Variants in MAPK15 observed in about 807,000 individuals in gnomAD.
MAPK15 encodes the protein mitogen-activated protein kinase 15, also known as ERK-7.
A neutral mutation model predicts 60.8 loss-of-function variants in MAPK15; 61 were observed. The observed-to-expected ratio is 1.00, with a 90% CI of 0.82 to 1.24. The LOEUF (loss-of-function observed/expected upper bound fraction) is 1.24. MAPK15 is among the 50% of genes most tolerant of loss of function. The probability of loss-of-function intolerance (pLI) is 0.00; values close to 1 mark genes in which losing one functional copy is unlikely to be tolerated. For synonymous variants in MAPK15, 356 were observed against 319.9 expected (o/e 1.11, Z -1.21); for missense variants, 808 against 741.1 (o/e 1.09, Z -1.05).
At position 143,720,310 on chromosome 8, in the gene MAPK15, G is replaced by C. The variant is rs1817996724; in HGVS notation, c.779+23G>C. 1.3e-6 allele frequency: 2 copies of C among 1,562,126 alleles called. No homozygotes were observed. Among genetic ancestry groups the C allele is most frequent in the African/African-American group, 1.4e-5 (1 of 74,024 alleles). Reference sequence around the variant, plus strand: ...CCGGTGAGTGGGGGCACTTCGGTGAGGGTGACAGGGTGGCCTATCTCAAGG... The same window carrying C: ...CCGGTGAGTGGGGGCACTTCGGTGACGGTGACAGGGTGGCCTATCTCAAGG... On this transcript the variant is annotated intron_variant, in intron 8 of 13. Coordinates refer to ENST00000338033, the MANE Select transcript of MAPK15 (RefSeq NM_139021.3). The surrounding 1 kb of genome is among the most constrained non-coding windows in gnomAD (Gnocchi z 4.6).
rs782155652 is a variant in MAPK15, at chr8:143,717,736, G to A, written c.109G>A (p.Glu37Lys). 5 of 1,612,244 alleles carry A rather than the reference G, an allele frequency of 3.1e-6. No homozygotes were observed. Among genetic ancestry groups the A allele is most frequent in the Non-Finnish European group, 4.2e-6 (5 of 1,179,440 alleles). ...VWKAVDRRTG[E>K]VVAIKKIFDA... ...GAAGGCAGTGGACCGGAGGACTGGT[G>A]AGGTCGTGGCCATCAAGAAAATCTT... Residue 37 changes from glutamate (E) to lysine (K), a missense_variant, in exon 2 of 14, where the codon GAG becomes AAG. By Grantham distance (56) the Glu-to-Lys change is moderately conservative. Transcript: ENST00000338033.
intron 4 of MAPK15, chr8:143,718,527 C>T: frequency 1.6e-6 from 1 of 626,094 alleles, no homozygotes; most frequent in South Asian, 2.0e-5. Context: ...CTGCTCTGAC[C>T]ACAGTTTGCA....
chr8:143,720,879 G>A lies in MAPK15; in HGVS notation c.917+39G>A, dbSNP rs781942065. On this transcript the variant is annotated intron_variant, in intron 9 of 13. Coordinates refer to ENST00000338033, the MANE Select transcript of MAPK15 (RefSeq NM_139021.3). This position sits in a 1 kb window ranked among gnomAD's most constrained non-coding sequence, Gnocchi z 4.6. ...AGAGTCCCCCAAGTGCGGGGGGACA[G>A]AGGTGGGGGCAGGAGAGAGCCAGCC... The A allele has an allele frequency of 3.7e-6, 6 of 1,602,326 alleles. No individual in the cohort carries two copies. Among genetic ancestry groups the A allele is most frequent in the Non-Finnish European group, 5.1e-6 (6 of 1,175,622 alleles).
chr8:143,718,183 C>T (rs1817886100), intron 3 of MAPK15, 29 bp from the exon 4 acceptor site: 1 of 1,613,372 alleles, frequency 6.2e-7, no homozygotes, highest in Non-Finnish European at 8.5e-7. Context: ...CCCTCCTGGC[C>T]TTCCAGCCGC....
chr8:143,719,295 C>A, intron 6 of MAPK15, 48 bp from the exon 7 acceptor site: 1 of 1,557,754 alleles, frequency 6.4e-7, no homozygotes, highest in Non-Finnish European at 8.7e-7. Flanking sequence ...ACCCCACCCC[C>A]ACCTCTGCCT....
intron 4 of MAPK15, 49 bp from the exon 5 acceptor site, chr8:143,718,726 T>TTTCCC: frequency 2.4e-6 from 1 of 417,838 alleles, no homozygotes; most frequent in South Asian, 2.3e-5. Context: ...CCCCCCAGGT[T>TTTCCC]GCCCCCCCAG....
chr8:143,722,416 C>T lies in MAPK15; in HGVS notation c.*165C>T. 4 of 562,952 alleles carry T rather than the reference C, an allele frequency of 7.1e-6. No homozygotes were observed. The South Asian group carries it at 1.0e-4, about 14-fold the overall frequency. The allele number at this position is 562,952 out of a possible 1,614,324, so 34.9% of individuals were successfully genotyped here. ...GGGGGAGCAGATGAGGGCCCTGCCC[C>T]CGCCCCACTGACTTCCTCCAATAAA... is the stretch of plus-strand genomic sequence containing the variant. On this transcript the variant is annotated 3_prime_UTR_variant, in exon 14 of 14. Coordinates refer to ENST00000338033, the MANE Select transcript of MAPK15 (RefSeq NM_139021.3).
Position 143,718,281 on chromosome 8 carries a change from T to C in MAPK15, c.265T>C (p.Tyr89His). 1 of 1,614,078 alleles carries C rather than the reference T, an allele frequency of 6.2e-7. No homozygotes were observed. Among genetic ancestry groups the C allele is most frequent in the Non-Finnish European group, 8.5e-7 (1 of 1,180,020 alleles). Residue 89 changes from tyrosine (Y) to histidine (H), a missense_variant, in exon 4 of 14, where the codon TAC becomes CAC. Tyr to His is a moderately conservative substitution (Grantham distance 83, BLOSUM62 2). Transcript: ENST00000338033. ...CCGGGCAGAGAACGACAGGGACATT[T>C]ACCTGGTGTTTGAGTTTATGGGTGA... ...VIRAENDRDI[Y>H]LVFEFMDTDL...
Position 143,720,931 on chromosome 8 carries a change from A to T in MAPK15, c.918-69A>T. 1 of 1,571,430 alleles carries T rather than the reference A, an allele frequency of 6.4e-7. No homozygotes were observed. On this transcript the variant is annotated intron_variant, in intron 9 of 13. Transcript: ENST00000338033. This position sits in a 1 kb window ranked among gnomAD's most constrained non-coding sequence, Gnocchi z 4.6. Reference sequence around the variant, plus strand: ...ATGAGGGACAGCCCCCACAGCAGGGACCCTGCTGTGACGGCTTGAGGGGCT... The same window carrying T: ...ATGAGGGACAGCCCCCACAGCAGGGTCCCTGCTGTGACGGCTTGAGGGGCT...
chr8:143,717,855 G>A (rs1225625188), intron 2 of MAPK15, 63 bp downstream of exon 2: 1 of 1,543,968 alleles, frequency 6.5e-7, no homozygotes, highest in East Asian at 2.3e-5. Flanking sequence ...CCTTGCCCTG[G>A]TGCCTGGAAG....
Position 143,718,834 on chromosome 8 carries a change from T to C in MAPK15, c.346T>C (p.Ser116Pro). ...CCTGCTGCAGGACGTCCACGTGCGC[T>C]CCATCTTCTACCAGCTCCTGCGGGC... ...GGLLQDVHVRSIFYQLLRATR... is the reference protein window; with the variant it reads ...GGLLQDVHVRPIFYQLLRATR... The change falls in exon 5 of 14, where the codon TCC becomes CCC. Residue 116 changes from serine (S) to proline (P), a missense_variant. Coordinates refer to ENST00000338033, the MANE Select transcript of MAPK15 (RefSeq NM_139021.3). 6.2e-7 allele frequency: 1 copy of C among 1,611,858 alleles called. No homozygotes were observed. Among genetic ancestry groups the C allele is most frequent in the Non-Finnish European group, 8.5e-7 (1 of 1,179,628 alleles).
chr8:143,716,489 C>T, intron 1 of MAPK15, 46 bp downstream of exon 1: 1 of 1,565,486 alleles, frequency 6.4e-7, no homozygotes, highest in Non-Finnish European at 8.7e-7. Flanking sequence ...CGCGGCAGAT[C>T]TGCGGAGAGA....
Position 143,718,057 on chromosome 8 carries a change from G to A in MAPK15, c.176G>A (p.Arg59Gln), listed in dbSNP as rs139756179. The A allele has an allele frequency of 2.1e-5, 34 of 1,614,102 alleles. No homozygotes were observed. Among genetic ancestry groups the A allele is most frequent in the Admixed American group, 1.7e-4 (10 of 60,020 alleles). The stretch of plus-strand genomic sequence containing the variant: ...TTTCTGTCTCTTCAGAGAACATTCC[G>A]GGAAATCACGCTCCTCCAGGTGAGT... ...RDKTDAQRTF[R>Q]EITLLQEFGD... is the part of the protein sequence containing the mutation. Residue 59 changes from arginine (R) to glutamine (Q), a missense_variant, in exon 3 of 14, where the codon CGG becomes CAG. By Grantham distance (43) the Arg-to-Gln change is conservative (BLOSUM62 1). Transcript: ENST00000338033.
At chr8:143,717,624 G>A in intron 1 of MAPK15, 70 bp from the exon 2 acceptor site, 1 of 1,342,580 alleles carries the variant, frequency 7.4e-7, no homozygotes, top group African/African-American at 1.4e-5. Flanking sequence ...CCTCATGTCT[G>A]TAGGGACAAT....
At position 143,717,081 on chromosome 8, in the gene MAPK15, A is replaced by C. The variant is rs549235668; in HGVS notation, c.67-613A>C. Among the ~76,000 whole-genome samples the C allele has an allele frequency of 7.2e-5, 11 of 152,080 alleles. No individual in the cohort carries two copies. The East Asian group carries it at 2.1e-3, about 29-fold the overall frequency. On this transcript the variant is annotated intron_variant, in intron 1 of 13. Coordinates refer to ENST00000338033, the MANE Select transcript of MAPK15 (RefSeq NM_139021.3). ...GATGGAGAGAGACAGGTGAGTGGTG[A>C]GGGTCCGATCGTGTGGGAGCTTTGG...
intron 4 of MAPK15, 138 bp from the exon 5 acceptor site, chr8:143,718,637 C>A: frequency 1.4e-6 from 1 of 735,716 alleles, no homozygotes; most frequent in Non-Finnish European, 2.3e-6. Flanking sequence ...ACAGGCAGTG[C>A]ACAGGATGGA....
At position 143,721,021 on chromosome 8, in the gene MAPK15, G is replaced by C; in HGVS notation, c.939G>C (p.Glu313Asp). The change falls in exon 10 of 14, where the codon GAG becomes GAC. Residue 313 changes from glutamate (E) to aspartate (D), a missense_variant. Glu to Asp is a conservative substitution (Grantham distance 45). Coordinates refer to ENST00000338033, the MANE Select transcript of MAPK15 (RefSeq NM_139021.3). Reference sequence around the variant, plus strand: ...GCAGGTTCCACTGCCCCAGCGACGAGTGGGCACGAGAGGCAGATGTGCGGC... The same window carrying C: ...GCAGGTTCCACTGCCCCAGCGACGACTGGGCACGAGAGGCAGATGTGCGGC... ...YVQRFHCPSD[E>D]WAREADVRPR... 6.2e-7 allele frequency: 1 copy of C among 1,611,452 alleles called. No individual in the cohort carries two copies. The highest frequency in any genetic ancestry group is 1.1e-5 in the South Asian group (1 of 90,992).
At position 143,721,416 on chromosome 8, in the gene MAPK15, G is replaced by A. The variant is rs56356045; in HGVS notation, c.1204+5G>A. Reference sequence around the variant, plus strand: ...GCCATGACCCTGCCGAGCACGGTGTGTGATCTTTGCTGGCCGCCCACGCGG... The same window carrying A: ...GCCATGACCCTGCCGAGCACGGTGTATGATCTTTGCTGGCCGCCCACGCGG... On this transcript the variant is annotated splice_donor_5th_base_variant and intron_variant, in intron 11 of 13. Coordinates refer to ENST00000338033, the MANE Select transcript of MAPK15 (RefSeq NM_139021.3). 9,740 of 1,610,078 alleles carry A rather than the reference G, an allele frequency of 6.0e-3. 47 individuals carry two copies. Among genetic ancestry groups the A allele is most frequent in the Non-Finnish European group, 7.8e-3 (9,217 of 1,177,978 alleles).
In MAPK15 at chr8:143,722,269, A is replaced by G. The variant is rs1554620249; in HGVS notation, c.*18A>G. On this transcript the variant is annotated 3_prime_UTR_variant, in exon 14 of 14. Transcript: ENST00000338033. Reference sequence around the variant, plus strand: ...ATGTGTGAGCCGCCCTACTCCCTTCACCTGGCCCTCTGTTCCTGCCCCAGC... The same window carrying G: ...ATGTGTGAGCCGCCCTACTCCCTTCGCCTGGCCCTCTGTTCCTGCCCCAGC... 1 of 1,533,088 alleles carries G rather than the reference A, an allele frequency of 6.5e-7. No homozygotes were observed. Among genetic ancestry groups the G allele is most frequent in the Non-Finnish European group, 8.8e-7 (1 of 1,140,256 alleles). The allele number at this position is 1,533,088 out of a possible 1,614,324, so 95.0% of individuals were successfully genotyped here.
Sources: gnomAD v4.1 joint callset for allele counts (sites outside exome capture counted in the v4.1 genomes callset) on GRCh38, gnomAD v4.1.1 for gene constraint, Gnocchi (gnomAD v3.1) non-coding constraint, MANE v1.5 for transcripts, NCBI Gene and HGNC (gene_info 2026-07-23, HGNC 2026-07-21) for gene names.